The following WWOX variants were observed in gnomAD, a reference collection of about 807,000 sequenced individuals.
The protein encoded by WWOX is WW domain-containing oxidoreductase.
In WWOX, 69 loss-of-function variants were observed where a neutral mutation model predicts 46.2. The ratio of observed to expected loss-of-function variants is 1.49; its 90% CI spans 1.23 to 1.82. WWOX has a LOEUF of 1.82. WWOX is among the 40% of genes most tolerant of loss of function. WWOX has a pLI of 0.00. For missense variants in WWOX, 919 were observed against 542.6 expected (o/e 1.69, Z -6.89); for synonymous variants, 359 against 202.6 (o/e 1.77, Z -6.56).
Position 78,834,589 on chromosome 16 carries a change from G to A in WWOX, c.1057-377019G>A, listed in dbSNP as rs776785335. Among the ~76,000 whole-genome samples the A allele has an allele frequency of 3.3e-5, 5 of 152,292 alleles. No homozygotes were observed. In the South Asian group the frequency reaches 1.0e-3, roughly 32 times the overall value. On this transcript the variant is annotated intron_variant, in intron 8 of 8. Coordinates refer to ENST00000566780, the MANE Select transcript of WWOX (RefSeq NM_016373.4). ...GCAATGTAGAATCCCCATTGCCGAT[G>A]ATCAGAAAGTACAGCGTAGTTTGTT...
At chr16:79,197,612 C>G (rs2051265878) in intron 8 of WWOX, among the ~76,000 whole-genome samples, 1 of 152,182 alleles carries the variant, frequency 6.6e-6, no homozygotes, top group Admixed American at 6.5e-5. Context: ...TTCCTCACTG[C>G]CACAAACAGG....
chr16:78,219,445 A>G (rs1597366936), intron 5 of WWOX, among the ~76,000 whole-genome samples: 1 of 152,204 alleles, frequency 6.6e-6, no homozygotes, highest in South Asian at 2.1e-4. Context: ...CCAGATAACA[A>G]CAACAAATCT....
At chr16:78,420,872 T>TC in intron 6 of WWOX, among the ~76,000 whole-genome samples, 1 of 152,128 alleles carries the variant, frequency 6.6e-6, no homozygotes, top group Non-Finnish European at 1.5e-5. Flanking sequence ...GGAAAAAAAG[T>TC]AATCCTGACT....
At chr16:78,452,547 C>T (rs904853313) in intron 8 of WWOX, among the ~76,000 whole-genome samples, 2 of 143,184 alleles carry the variant, frequency 1.4e-5, no homozygotes, top group African/African-American at 2.7e-5. Context: ...CGGATCTTGG[C>T]TCATTGCAAC....
intron 5 of WWOX, among the ~76,000 whole-genome samples, chr16:78,352,617 C>G (rs1417853402): frequency 6.6e-6 from 1 of 152,184 alleles, no homozygotes; most frequent in African/African-American, 2.4e-5. Flanking sequence ...CTGGGATAAT[C>G]TGCCTGTTTG....
chr16:78,674,649 G>A (rs571753500), intron 8 of WWOX, among the ~76,000 whole-genome samples: 1 of 152,180 alleles, frequency 6.6e-6, no homozygotes, highest in Non-Finnish European at 1.5e-5. Context: ...CTGGCCACCT[G>A]CCTTTATCTC....
At chr16:79,005,971 G>A (rs113165706) in intron 8 of WWOX, among the ~76,000 whole-genome samples, 1,818 of 152,240 alleles carry the variant, frequency 0.012, 40 homozygotes, top group African/African-American at 0.042. Flanking sequence ...CATTCCTGGG[G>A]ACAGGCGGCA....
intron 8 of WWOX, among the ~76,000 whole-genome samples, chr16:78,972,470 GAAAA>G (rs11375724): frequency 7.0e-6 from 1 of 143,000 alleles, no homozygotes; most frequent in Non-Finnish European, 1.5e-5. Context: ...AAGCAGGGGT[GAAAA>G]AAAAAAAAAA....
intron 8 of WWOX, among the ~76,000 whole-genome samples, chr16:78,768,575 G>T (rs1037535227): frequency 2.0e-5 from 3 of 149,208 alleles, no homozygotes; most frequent in Non-Finnish European, 3.0e-5. Flanking sequence ...GGGTGACACA[G>T]TGAGACTTCA....
intron 6 of WWOX, among the ~76,000 whole-genome samples, chr16:78,404,187 T>A (rs1216814055): frequency 6.6e-6 from 1 of 152,170 alleles, no homozygotes; most frequent in African/African-American, 2.4e-5. Context: ...GGGGGTTTTT[T>A]AAAAAGTACT....
chr16:78,327,703 A>C (rs1432646591), intron 5 of WWOX, among the ~76,000 whole-genome samples: 1 of 152,096 alleles, frequency 6.6e-6, no homozygotes, highest in African/African-American at 2.4e-5. Context: ...CTTTCCTCTG[A>C]ATAGCAAGCA....
intron 8 of WWOX, among the ~76,000 whole-genome samples, chr16:78,574,463 C>A (rs1394587968): frequency 6.6e-6 from 1 of 151,962 alleles, no homozygotes; most frequent in African/African-American, 2.4e-5. Flanking sequence ...GACTGTAAGA[C>A]CTGAATCCTA....
At chr16:78,863,300 C>A (rs1376194599) in intron 8 of WWOX, among the ~76,000 whole-genome samples, 2 of 152,192 alleles carry the variant, frequency 1.3e-5, no homozygotes, top group East Asian at 3.9e-4. Flanking sequence ...CAGACACTCG[C>A]AGTACATTCT....
intron 8 of WWOX, among the ~76,000 whole-genome samples, chr16:78,742,607 A>G (rs532695921): frequency 2.6e-5 from 4 of 152,242 alleles, no homozygotes; most frequent in Admixed American, 6.5e-5. Context: ...ATCACGAGAA[A>G]TCTCTCTCCA....
chr16:78,911,299 C>T (rs901998330), intron 8 of WWOX, among the ~76,000 whole-genome samples: 1 of 152,052 alleles, frequency 6.6e-6, no homozygotes, highest in Non-Finnish European at 1.5e-5. Flanking sequence ...GGGACATGTT[C>T]CCATTTCAGT....
rs572125566 is a variant in WWOX at position 78,888,383 on chromosome 16, C to G, written c.1057-323225C>G. On this transcript the variant is annotated intron_variant, in intron 8 of 8. Transcript: ENST00000566780. ...CTGCCCAGAGGCAGCTCCCTTGGCCCTTGGGTCCCTGTTGTTCCAGGTGTT... is the reference window on the plus strand; with the variant it reads ...CTGCCCAGAGGCAGCTCCCTTGGCCGTTGGGTCCCTGTTGTTCCAGGTGTT... Among the ~76,000 whole-genome samples, 5 of 152,262 alleles carry G rather than the reference C, an allele frequency of 3.3e-5. No individual in the cohort carries two copies. The South Asian group carries it at 1.0e-3, about 32-fold the overall frequency.
intron 8 of WWOX, among the ~76,000 whole-genome samples, chr16:78,689,904 A>T (rs1452218067): frequency 6.6e-6 from 1 of 152,064 alleles, no homozygotes; most frequent in East Asian, 1.9e-4. Flanking sequence ...TCTGTTGCCC[A>T]GGCTGCAGTG....
At chr16:78,930,190 C>G (rs1031633848) in intron 8 of WWOX, among the ~76,000 whole-genome samples, 2 of 149,900 alleles carry the variant, frequency 1.3e-5, no homozygotes, top group African/African-American at 4.9e-5. Flanking sequence ...ACACCATACC[C>G]CAGAGCCTGG....
intron 5 of WWOX, among the ~76,000 whole-genome samples, chr16:78,309,172 T>G (rs912594300): frequency 1.3e-5 from 2 of 152,196 alleles, no homozygotes; most frequent in African/African-American, 4.8e-5. Flanking sequence ...AATCCCGACA[T>G]GTCAAGGGAG....
Sources: gnomAD v4.1 joint callset for allele counts (sites outside exome capture counted in the v4.1 genomes callset) on GRCh38, gnomAD v4.1.1 for gene constraint, MANE v1.5 for transcripts, NCBI Gene and HGNC (gene_info 2026-07-23, HGNC 2026-07-21) for gene names.